SH3GL2: variants seen among roughly 807,000 people sequenced by gnomAD.
The protein encoded by SH3GL2 is endophilin-A1.
In SH3GL2, 24 loss-of-function variants were observed where a neutral mutation model predicts 46.0. The ratio of observed to expected loss-of-function variants is 0.52; its 90% confidence interval spans 0.38 to 0.73. SH3GL2 has a LOEUF of 0.73. SH3GL2 is among the 30% of genes least tolerant of loss of function. The pLI is 0.00. For synonymous variants in SH3GL2, 196 were observed against 147.1 expected, an observed-to-expected ratio of 1.33 and a Z score of -2.40; for missense variants, 413 against 424.2, an observed-to-expected ratio of 0.97 and a Z score of 0.23.
chr9:17,759,820 C>G (rs748054189), intron 2 of SH3GL2, among the ~76,000 whole-genome samples: 1 of 152,168 alleles, frequency 6.6e-6, no homozygotes, highest in African/African-American at 2.4e-5. Flanking sequence ...TTTTCCTTCT[C>G]ATCATAACTA....
At chr9:17,631,862 A>G (rs893046673) in intron 1 of SH3GL2, among the ~76,000 whole-genome samples, 1 of 152,194 alleles carries the variant, frequency 6.6e-6, no homozygotes, top group African/African-American at 2.4e-5. Context: ...CCTTGCTTAC[A>G]TGCTGATGTT....
At chr9:17,671,647 A>G (rs898906799) in intron 1 of SH3GL2, among the ~76,000 whole-genome samples, 2 of 152,174 alleles carry the variant, frequency 1.3e-5, no homozygotes, top group Non-Finnish European at 2.9e-5. Context: ...AAAAATTATA[A>G]AAGCAAAAAA....
chr9:17,770,984 T>G (rs1351699659), intron 3 of SH3GL2, among the ~76,000 whole-genome samples: 1 of 152,218 alleles, frequency 6.6e-6, no homozygotes, highest in Non-Finnish European at 1.5e-5. Context: ...GGACTCAATT[T>G]AGGCATGCCC....
chr9:17,678,349 T>G (rs1820670730), intron 1 of SH3GL2, among the ~76,000 whole-genome samples: 1 of 152,202 alleles, frequency 6.6e-6, no homozygotes, highest in Admixed American at 6.5e-5. Flanking sequence ...AGATGGTATC[T>G]CATTGTGGTT....
intron 1 of SH3GL2, among the ~76,000 whole-genome samples, chr9:17,603,637 G>T (rs1211123811): frequency 6.6e-6 from 1 of 152,104 alleles, no homozygotes; most frequent in African/African-American, 2.4e-5. Context: ...AAAGCCCATG[G>T]GTCACCTGAG....
chr9:17,600,334 C>A (rs1171372398), intron 1 of SH3GL2, among the ~76,000 whole-genome samples: 1 of 151,948 alleles, frequency 6.6e-6, no homozygotes, highest in Non-Finnish European at 1.5e-5. Flanking sequence ...GAAACTAAGA[C>A]AAAGGAGAAA....
rs558152979 is a variant in SH3GL2 at position 17,763,897 on chromosome 9, G to T, written c.187+2388G>T. 4.6e-5 allele frequency among the ~76,000 whole-genome samples: 7 copies of T among 152,212 alleles called. No homozygotes were observed. In the South Asian group the frequency reaches 1.5e-3, roughly 32 times the overall value. On this transcript the variant is annotated intron_variant, in intron 3 of 8. Transcript: ENST00000380607. Reference sequence around the variant, plus strand: ...AGAAGGGTAGGCTCCATTTCATTTAGGTGTGAAGGGTCCTTCCCTTTCAGA... The same window carrying T: ...AGAAGGGTAGGCTCCATTTCATTTATGTGTGAAGGGTCCTTCCCTTTCAGA...
intron 3 of SH3GL2, among the ~76,000 whole-genome samples, chr9:17,773,031 T>G (rs1012294986): frequency 6.6e-6 from 1 of 152,166 alleles, no homozygotes; most frequent in African/African-American, 2.4e-5. Context: ...ACCATCCTTA[T>G]GAGTGTGAGG....
At chr9:17,649,129 C>T (rs571883885) in intron 1 of SH3GL2, among the ~76,000 whole-genome samples, 41 of 152,274 alleles carry the variant, frequency 2.7e-4, no homozygotes, top group Middle Eastern at 3.4e-3. Flanking sequence ...GAGAAAGAGT[C>T]TTACCCTGTC....
chr9:17,675,563 C>T (rs1563807280), intron 1 of SH3GL2, among the ~76,000 whole-genome samples: 1 of 152,154 alleles, frequency 6.6e-6, no homozygotes, highest in African/African-American at 2.4e-5. Flanking sequence ...CTTTGCTCTG[C>T]AAGGGAGGGG....
chr9:17,649,011 G>C (rs1189372370), intron 1 of SH3GL2, among the ~76,000 whole-genome samples: 1 of 152,158 alleles, frequency 6.6e-6, no homozygotes, highest in African/African-American at 2.4e-5. Context: ...TTGTGTGTGA[G>C]TGCATGTGTA....
At chr9:17,791,498 C>T (rs1051507966) in intron 7 of SH3GL2, among the ~76,000 whole-genome samples, 164 bp downstream of exon 7, 3 of 152,084 alleles carry the variant, frequency 2.0e-5, no homozygotes, top group Non-Finnish European at 4.4e-5. Flanking sequence ...TTTTCTTGTG[C>T]TTTGTTTTAC....
chr9:17,580,941 A>G (rs1038518688), intron 1 of SH3GL2, among the ~76,000 whole-genome samples: 1 of 152,204 alleles, frequency 6.6e-6, no homozygotes, highest in Non-Finnish European at 1.5e-5. Flanking sequence ...GGAAAGGCTA[A>G]GGTTTGAATC....
At chr9:17,626,756 C>T (rs1819290982) in intron 1 of SH3GL2, among the ~76,000 whole-genome samples, 1 of 152,220 alleles carries the variant, frequency 6.6e-6, no homozygotes, top group Non-Finnish European at 1.5e-5. Context: ...GACAGTCCCT[C>T]TCCAAAGTAT....
At chr9:17,688,116 C>G (rs991679328) in intron 1 of SH3GL2, among the ~76,000 whole-genome samples, 1 of 151,922 alleles carries the variant, frequency 6.6e-6, no homozygotes, top group Non-Finnish European at 1.5e-5. Context: ...ATTAAAATAC[C>G]TCTGAACTTG....
intron 1 of SH3GL2, among the ~76,000 whole-genome samples, chr9:17,646,351 C>T (rs970432214): frequency 6.6e-6 from 1 of 151,980 alleles, no homozygotes; most frequent in Non-Finnish European, 1.5e-5. Context: ...TTTGTTATAA[C>T]CCACCTTCTG....
intron 1 of SH3GL2, among the ~76,000 whole-genome samples, chr9:17,646,587 A>G (rs896516516): frequency 3.3e-5 from 5 of 151,998 alleles, no homozygotes; most frequent in South Asian, 2.1e-4. Context: ...GTTGATGTTG[A>G]TACTATTGCT....
At chr9:17,771,488 C>T (rs1002628780) in intron 3 of SH3GL2, among the ~76,000 whole-genome samples, 7 of 152,174 alleles carry the variant, frequency 4.6e-5, no homozygotes, top group Admixed American at 1.3e-4. Context: ...CAGGACCCTT[C>T]TTACAATAAG....
chr9:17,693,762 G>A (rs970833919), intron 1 of SH3GL2, among the ~76,000 whole-genome samples: 1 of 152,194 alleles, frequency 6.6e-6, no homozygotes, highest in Non-Finnish European at 1.5e-5. Flanking sequence ...AGCAGTGAAC[G>A]AAATGCCTGG....
Sources: gnomAD v4.1 joint callset for allele counts (sites outside exome capture counted in the v4.1 genomes callset) on GRCh38, gnomAD v4.1.1 for gene constraint, MANE v1.5 for transcripts, NCBI Gene and HGNC (gene_info 2026-07-23, HGNC 2026-07-21) for gene names.